GTF2A2: variants seen among roughly 807,000 people sequenced by gnomAD.
GTF2A2 encodes general transcription factor IIA subunit 2, also known as transcription initiation factor IIA subunit 2.
A neutral mutation model predicts 14.3 loss-of-function variants in GTF2A2; 9 were observed. The observed-to-expected ratio is 0.63, with a 90% CI of 0.38 to 1.10. The LOEUF (loss-of-function observed/expected upper bound fraction) is 1.10, where lower values mean the gene tolerates loss of function less well. Ranked by LOEUF, GTF2A2 falls within the 50% of genes least tolerant of loss-of-function variation. The probability of loss-of-function intolerance (pLI) is 0.01; values close to 1 mark genes in which losing one functional copy is unlikely to be tolerated. For synonymous variants in GTF2A2, 56 were observed against 46.0 expected (o/e 1.22, Z -0.88); for missense variants, 90 against 124.6 (o/e 0.72, Z 1.32).
chr15:59,652,874 C>T (rs1409271809), intron 1 of GTF2A2: 5 of 152,140 alleles, frequency 3.3e-5, no homozygotes, highest in Non-Finnish European at 5.9e-5. Context: ...AGATACAAAG[C>T]ATACCATGGA....
chr15:59,646,176 C>T (rs1891600122), intron 3 of GTF2A2, among the ~76,000 whole-genome samples: 1 of 152,090 alleles, frequency 6.6e-6, no homozygotes, highest in South Asian at 2.1e-4. Context: ...CCTGCCTTGG[C>T]TTCCCAAATA....
rs1891247268 is a variant in GTF2A2 at position 59,638,279 on chromosome 15, G to C, written c.*853C>G. 1 of 152,036 alleles carries C rather than the reference G, an allele frequency of 6.6e-6. No homozygotes were observed. The highest frequency in any genetic ancestry group is 1.9e-4 in the East Asian group (1 of 5,186). The allele number at this position is 152,036 out of a possible 1,614,324, so 9.4% of individuals were successfully genotyped here. A position where few individuals can be genotyped will look rare whatever the true frequency, so the allele number is the denominator to read the frequency against. Reference sequence around the variant, plus strand: ...AGGTAACAACTGCAGGAGCATCGAGGTAACAGCAAAAATCTTTTACTCCAA... The same window carrying C: ...AGGTAACAACTGCAGGAGCATCGAGCTAACAGCAAAAATCTTTTACTCCAA... On this transcript the variant is annotated 3_prime_UTR_variant, in exon 5 of 5. Transcript: ENST00000396060.
intron 3 of GTF2A2, among the ~76,000 whole-genome samples, chr15:59,646,414 C>T (rs1161130833): frequency 6.6e-6 from 1 of 152,034 alleles, no homozygotes; most frequent in African/African-American, 2.4e-5. Context: ...CCCACCCTTT[C>T]CCCAAAGTTC....
intron 3 of GTF2A2, among the ~76,000 whole-genome samples, chr15:59,647,156 G>A (rs1891632917): frequency 6.6e-6 from 1 of 152,146 alleles, no homozygotes; most frequent in Non-Finnish European, 1.5e-5. Flanking sequence ...GCAATGGCAT[G>A]ATCATGGCTC....
At chr15:59,639,937 G>A (rs531660557) in intron 4 of GTF2A2, among the ~76,000 whole-genome samples, 5 of 151,962 alleles carry the variant, frequency 3.3e-5, no homozygotes, top group Non-Finnish European at 4.4e-5. Context: ...TTTTAGTAGA[G>A]ATGGAGTTTC....
chr15:59,650,157 A>G (rs867335110), intron 3 of GTF2A2, among the ~76,000 whole-genome samples: 2 of 152,368 alleles, frequency 1.3e-5, no homozygotes, highest in Non-Finnish European at 1.5e-5. Context: ...TGTTCAAAGT[A>G]TAAGTGACTG....
At position 59,638,800 on chromosome 15, in the gene GTF2A2, G is replaced by C. The variant is rs1891273652; in HGVS notation, c.*332C>G. On this transcript the variant is annotated 3_prime_UTR_variant, in exon 5 of 5. Coordinates refer to ENST00000396060, the MANE Select transcript of GTF2A2 (RefSeq NM_004492.3). ...GAAAGGGCATCATGTTCCTTGCAAA[G>C]GAAATGGGAAAATGCATTATCTAAT... 1 of 200,194 alleles carries C rather than the reference G, an allele frequency of 5.0e-6. No homozygotes were observed. The highest frequency in any genetic ancestry group is 5.9e-5 in the Admixed American group (1 of 16,898). 12.4% of individuals were successfully genotyped at this position (200,194 alleles called of 1,614,324 possible). A position where few individuals can be genotyped will look rare whatever the true frequency, so the allele number is the denominator to read the frequency against.
chr15:59,656,615 C>G (rs558278123), intron 1 of GTF2A2, among the ~76,000 whole-genome samples: 1 of 152,096 alleles, frequency 6.6e-6, no homozygotes, highest in African/African-American at 2.4e-5. Context: ...TAAACGAAGG[C>G]AAATATCAGT....
chr15:59,645,329 G>T (rs1260147799), intron 3 of GTF2A2, among the ~76,000 whole-genome samples: 1 of 152,152 alleles, frequency 6.6e-6, no homozygotes, highest in African/African-American at 2.4e-5. Context: ...ACCAAGGACA[G>T]CGGACGCACG....
intron 3 of GTF2A2, among the ~76,000 whole-genome samples, chr15:59,645,183 T>C (rs1891562067): frequency 6.6e-6 from 1 of 152,116 alleles, no homozygotes; most frequent in Admixed American, 6.5e-5. Flanking sequence ...AAAAGCTGGT[T>C]GGGGAGTAAA....
At chr15:59,653,213 G>T (rs998948013) in intron 1 of GTF2A2, among the ~76,000 whole-genome samples, 36 of 152,238 alleles carry the variant, frequency 2.4e-4, no homozygotes, top group Admixed American at 1.7e-3. Flanking sequence ...AGAAACAGAT[G>T]AGGGATGGGG....
chr15:59,655,304 G>A (rs935308920), intron 1 of GTF2A2, among the ~76,000 whole-genome samples: 2 of 152,168 alleles, frequency 1.3e-5, no homozygotes, highest in Non-Finnish European at 2.9e-5. Flanking sequence ...CCTTAGTTTT[G>A]TCTGTATTCA....
At chr15:59,642,327 A>C in intron 3 of GTF2A2, 65 bp from the exon 4 acceptor site, 1 of 1,400,992 alleles carries the variant, frequency 7.1e-7, no homozygotes, top group South Asian at 1.4e-5. Flanking sequence ...TCTCCAAAGC[A>C]ATTTAAGAGA....
intron 3 of GTF2A2, among the ~76,000 whole-genome samples, chr15:59,649,509 A>G (rs1891725917): frequency 6.6e-6 from 1 of 152,228 alleles, no homozygotes. Context: ...ATGTATTAAC[A>G]TGGATCATCT....
intron 3 of GTF2A2, among the ~76,000 whole-genome samples, chr15:59,648,411 AAAAAAAAAGAATAAAT>A (rs1891680557): frequency 6.6e-6 from 1 of 150,508 alleles, no homozygotes; most frequent in African/African-American, 2.4e-5. Context: ...CAAAAAAAAA[AAAAAAAAAGAATAAAT>A]AAATAAATAA....
chr15:59,639,784 T>A (rs1451115409), intron 4 of GTF2A2, among the ~76,000 whole-genome samples: 1 of 145,222 alleles, frequency 6.9e-6, no homozygotes, highest in African/African-American at 2.6e-5. Context: ...AGAGTCACAC[T>A]GTGTTGCCCA....
At chr15:59,640,947 CCTT>C (rs1366735929) in intron 4 of GTF2A2, among the ~76,000 whole-genome samples, 1 of 152,120 alleles carries the variant, frequency 6.6e-6, no homozygotes, top group Non-Finnish European at 1.5e-5. Context: ...TCCTAGGTAA[CCTT>C]CTGAACTATA....
chr15:59,644,140 C>T (rs1431977969), intron 3 of GTF2A2, among the ~76,000 whole-genome samples: 3 of 152,290 alleles, frequency 2.0e-5, no homozygotes, highest in Middle Eastern at 3.4e-3. Flanking sequence ...GGTGATCTGC[C>T]CACCTCGGCC....
At chr15:59,654,932 C>T (rs1891898780) in intron 1 of GTF2A2, among the ~76,000 whole-genome samples, 1 of 152,170 alleles carries the variant, frequency 6.6e-6, no homozygotes, top group East Asian at 1.9e-4. Context: ...CTTTCAGTGT[C>T]ATGTTGGTGC....
Sources: gnomAD v4.1 joint callset for allele counts (sites outside exome capture counted in the v4.1 genomes callset) on GRCh38, gnomAD v4.1.1 for gene constraint, MANE v1.5 for transcripts, NCBI Gene and HGNC (gene_info 2026-07-23, HGNC 2026-07-21) for gene names.